RDH10: variants seen among roughly 807,000 people sequenced by gnomAD.
RDH10 encodes retinol dehydrogenase 10.
In RDH10, 12 loss-of-function variants were observed where a neutral mutation model predicts 30.2. The observed-to-expected ratio is 0.40, with a 90% CI of 0.25 to 0.64. The LOEUF (loss-of-function observed/expected upper bound fraction) is 0.64. Ranked by LOEUF, RDH10 falls within the 30% of genes least tolerant of loss-of-function variation. RDH10 has a pLI of 0.43. For missense variants in RDH10, 268 were observed against 445.2 expected (o/e 0.60, Z 3.58); for synonymous variants, 189 against 172.2 (o/e 1.10, Z -0.76).
At position 73,307,834 on chromosome 8, in the gene RDH10, G is replaced by A. The variant is rs572175684; in HGVS notation, c.525+10405G>A. Among the ~76,000 whole-genome samples the A allele has an allele frequency of 1.1e-4, 17 of 152,298 alleles. 1 individual carries two copies. The South Asian group carries it at 3.5e-3, about 32-fold the overall frequency. ...TCAAATGTTGATTTTTTATTAGCAT[G>A]GTTAGTTTAGCAGTAACTGATTAAC... On this transcript the variant is annotated intron_variant, in intron 2 of 5. Coordinates refer to ENST00000240285, the MANE Select transcript of RDH10 (RefSeq NM_172037.5).
Position 73,297,408 on chromosome 8 carries a change from C to T in RDH10, c.504C>T (p.Val168=). 6.2e-7 allele frequency: 1 copy of T among 1,609,756 alleles called. No homozygotes were observed. Among genetic ancestry groups the T allele is most frequent in the Non-Finnish European group, 8.5e-7 (1 of 1,176,084 alleles). Residue 168 remains valine, a synonymous_variant, in exon 2 of 6, where the codon GTC becomes GTT. Transcript: ENST00000240285. ...AGCTCATTGAGAGAACCATGATGGT[C>T]AATTGCCATGCACACTTCTGGGTAA... is the stretch of plus-strand genomic sequence containing the variant. The part of the protein sequence containing the change: ...PDELIERTMM[V]NCHAHFWTTK...
chr8:73,295,717 G>C, intron 1 of RDH10, 139 bp downstream of exon 1: 1 of 981,274 alleles, frequency 1.0e-6, no homozygotes, highest in Non-Finnish European at 1.4e-6. Flanking sequence ...TTTGGGAGAC[G>C]AGTGGAATTC....
Position 73,319,220 on chromosome 8 carries a change from T to G in RDH10, c.624+26T>G, listed in dbSNP as rs767305804. 3.4e-6 allele frequency: 5 copies of G among 1,489,664 alleles called. No individual in the cohort carries two copies. In the Admixed American group the frequency reaches 8.5e-5, roughly 25 times the overall value. The allele number at this position is 1,489,664 out of a possible 1,614,324, so 92.3% of individuals were successfully genotyped here. A position where few individuals can be genotyped will look rare whatever the true frequency, so the allele number is the denominator to read the frequency against. ...GTTTGTCAGATATATAGCATTTCTT[T>G]CGTTCAATCTGTTTATCCTGTGATA... On this transcript the variant is annotated intron_variant, in intron 3 of 5. Coordinates refer to ENST00000240285, the MANE Select transcript of RDH10 (RefSeq NM_172037.5).
chr8:73,299,331 G>C (rs1814337573), intron 2 of RDH10, among the ~76,000 whole-genome samples: 1 of 152,094 alleles, frequency 6.6e-6, no homozygotes, highest in Non-Finnish European at 1.5e-5. Context: ...GTGTCAAAGG[G>C]GTGGTTAGAT....
At chr8:73,315,054 A>G (rs1814634510) in intron 2 of RDH10, among the ~76,000 whole-genome samples, 1 of 152,176 alleles carries the variant, frequency 6.6e-6, no homozygotes, top group Admixed American at 6.5e-5. Context: ...CCAAATGTTT[A>G]TAGCCCACAG....
chr8:73,322,433 A>T, intron 4 of RDH10: 2 of 438,604 alleles, frequency 4.6e-6, no homozygotes, highest in South Asian at 6.8e-5. Flanking sequence ...TAAAAACATG[A>T]CTTTTTCATC....
intron 2 of RDH10, among the ~76,000 whole-genome samples, chr8:73,307,697 T>C (rs1814487304): frequency 6.6e-6 from 1 of 152,234 alleles, no homozygotes; most frequent in Non-Finnish European, 1.5e-5. Context: ...GGTTAGAGCC[T>C]GTACAAATAC....
At chr8:73,306,020 C>G (rs1814458227) in intron 2 of RDH10, among the ~76,000 whole-genome samples, 1 of 152,112 alleles carries the variant, frequency 6.6e-6, no homozygotes, top group African/African-American at 2.4e-5. Flanking sequence ...AGGCTGAGAC[C>G]CCATATAGAC....
chr8:73,314,967 C>A (rs929580197), intron 2 of RDH10, among the ~76,000 whole-genome samples: 3 of 152,158 alleles, frequency 2.0e-5, no homozygotes, highest in Non-Finnish European at 4.4e-5. Flanking sequence ...AAATAATCTC[C>A]CTCTCAAAAG....
chr8:73,304,698 G>T (rs1309782723), intron 2 of RDH10, among the ~76,000 whole-genome samples: 1 of 152,070 alleles, frequency 6.6e-6, no homozygotes, highest in Non-Finnish European at 1.5e-5. Flanking sequence ...CTTCACACAA[G>T]AGCCTCTGCT....
chr8:73,300,638 T>C (rs1814357657), intron 2 of RDH10, among the ~76,000 whole-genome samples: 1 of 152,206 alleles, frequency 6.6e-6, no homozygotes, highest in African/African-American at 2.4e-5. Context: ...TGATCCTGAC[T>C]CAGAGCAAAA....
At chr8:73,311,673 G>T (rs1277709406) in intron 2 of RDH10, 1 of 152,200 alleles carries the variant, frequency 6.6e-6, no homozygotes, top group Non-Finnish European at 1.5e-5. Flanking sequence ...GCACAAATTT[G>T]ACTATTATGA....
Position 73,320,935 on chromosome 8 carries a change from T to G in RDH10, c.628T>G (p.Tyr210Asp). ...GLFSTAGVED[Y>D]CASKFGVVGF... ...CTTTCTCCCCTCTTTAACTCAGGAT[T>G]ACTGTGCCAGTAAATTTGGAGTTGT... The change falls in exon 4 of 6, where the codon TAC becomes GAC. Residue 210 changes from tyrosine (Y) to aspartate (D), a missense_variant. Physicochemically the swap from Tyr to Asp is radical, Grantham distance 160. Around this residue, in one of 4 missense-constraint regions of RDH10, gnomAD observed 136 missense variants for 288.8 expected, o/e 0.47. Coordinates refer to ENST00000240285, the MANE Select transcript of RDH10 (RefSeq NM_172037.5). 1 of 1,614,140 alleles carries G rather than the reference T, an allele frequency of 6.2e-7. No homozygotes were observed. Among genetic ancestry groups the G allele is most frequent in the Non-Finnish European group, 8.5e-7 (1 of 1,180,000 alleles).
In RDH10 at chr8:73,322,769, C is replaced by A. The variant is rs1182733180; in HGVS notation, c.861C>A (p.Ile287=). ...CCATCCTCACTGACCAGCCCATGAT[C>A]TGCACTCCCCGCCTCATGTACATCG... ...MKAILTDQPM[I]CTPRLMYIVT... is the part of the protein sequence containing the mutation. The change falls in exon 5 of 6, where the codon ATC becomes ATA. Residue 287 remains isoleucine (I), a synonymous_variant. Coordinates refer to ENST00000240285, the MANE Select transcript of RDH10 (RefSeq NM_172037.5). The A allele has an allele frequency of 6.8e-6, 11 of 1,614,074 alleles. No individual in the cohort carries two copies. The highest frequency in any genetic ancestry group is 9.3e-6 in the Non-Finnish European group (11 of 1,180,020).
Position 73,294,956 on chromosome 8 carries a change from C to CT in RDH10, c.-333dup. The CT allele has an allele frequency of 2.5e-6, 1 of 392,540 alleles. No homozygotes were observed. The highest frequency in any genetic ancestry group is 4.5e-6 in the Non-Finnish European group (1 of 222,072). 24.3% of individuals were successfully genotyped at this position (392,540 alleles called of 1,614,324 possible). On this transcript the variant is annotated 5_prime_UTR_variant, in exon 1 of 6. It removes the in-frame stop codon of an upstream open reading frame in the 5' UTR. Transcript: ENST00000240285. ...TGGCCATGAGGGCAGTTCGAGTAGTCTAACTCGCGGCTGTCACCGCCACTG... is the reference window on the plus strand; with the variant it reads ...TGGCCATGAGGGCAGTTCGAGTAGTCTTAACTCGCGGCTGTCACCGCCACTG...
rs771788342 is a variant in RDH10, at chr8:73,322,686, A to G, written c.778A>G (p.Ile260Val). Residue 260 changes from isoleucine (I) to valine (V), a missense_variant, in exon 5 of 6, where the codon ATT becomes GTT. Physicochemically the swap from Ile to Val is conservative, Grantham distance 29 (BLOSUM62 3). Transcript: ENST00000240285. ...TGAATAAATAACTTTCAGGAAAGAA[A>G]TTGAGCCTTTTCTGCCACCTCTGAA... Reference protein sequence around the residue: ...MFRGCRIRKEIEPFLPPLKPD... With the variant: ...MFRGCRIRKEVEPFLPPLKPD... 2.5e-6 allele frequency: 4 copies of G among 1,608,948 alleles called. No individual in the cohort carries two copies. The Admixed American group carries it at 6.8e-5, about 27-fold the overall frequency.
intron 2 of RDH10, chr8:73,311,212 A>G (rs766235713): frequency 6.6e-6 from 1 of 152,242 alleles, no homozygotes; most frequent in Non-Finnish European, 1.5e-5. Flanking sequence ...AAATGAGTTT[A>G]GTCAAGATCC....
intron 1 of RDH10, among the ~76,000 whole-genome samples, chr8:73,296,265 A>G (rs894879040): frequency 6.6e-6 from 1 of 152,106 alleles, no homozygotes; most frequent in African/African-American, 2.4e-5. Flanking sequence ...AAGCCAAAGC[A>G]AAGTCCATAA....
chr8:73,318,641 T>C (rs1468011764), intron 2 of RDH10, among the ~76,000 whole-genome samples: 1 of 152,262 alleles, frequency 6.6e-6, no homozygotes, highest in East Asian at 1.9e-4. Context: ...GATAGGTCTA[T>C]TACTACGTAG....
Sources: gnomAD v4.1 joint callset for allele counts (sites outside exome capture counted in the v4.1 genomes callset) on GRCh38, gnomAD v4.1.1 for gene constraint, gnomAD v4.1.1 regional missense constraint, MANE v1.5 for transcripts, NCBI Gene and HGNC (gene_info 2026-07-23, HGNC 2026-07-21) for gene names.